CDH22: variants seen among roughly 807,000 people sequenced by gnomAD.
CDH22 encodes cadherin 22, also known as cadherin-22.
A neutral mutation model predicts 58.4 loss-of-function variants in CDH22; 30 were observed. That is an observed-to-expected ratio of 0.51 (90% CI 0.38 to 0.70). The LOEUF (loss-of-function observed/expected upper bound fraction) is 0.70. CDH22 is among the 30% of genes least tolerant of loss of function. CDH22 has a pLI of 0.00. For synonymous variants in CDH22, 513 were observed against 558.2 expected, an observed-to-expected ratio of 0.92 and a Z score of 1.14; for missense variants, 1,014 against 1,233.9, an observed-to-expected ratio of 0.82 and a Z score of 2.67.
chr20:46,185,277 T>C (rs1179401521), intron 10 of CDH22, among the ~76,000 whole-genome samples: 2 of 152,056 alleles, frequency 1.3e-5, no homozygotes, highest in African/African-American at 4.8e-5. Context: ...CCCCCTTCCC[T>C]CAGTCTATTC....
chr20:46,273,675 T>C (rs1386360755), intron 1 of CDH22, among the ~76,000 whole-genome samples: 1 of 151,974 alleles, frequency 6.6e-6, no homozygotes. Flanking sequence ...GAAAGACCCA[T>C]GTAGAATGGG....
intron 1 of CDH22, among the ~76,000 whole-genome samples, chr20:46,304,621 A>C (rs2086666420): frequency 6.6e-6 from 1 of 152,268 alleles, no homozygotes; most frequent in East Asian, 1.9e-4. Flanking sequence ...CCAATGTGAC[A>C]GCAGGAAGGA....
At chr20:46,181,779 CTTTCTTTCTTTCTTTT>C (rs2085790304) in intron 10 of CDH22, among the ~76,000 whole-genome samples, 2 of 127,904 alleles carry the variant, frequency 1.6e-5, no homozygotes, top group South Asian at 2.5e-4. Context: ...TTCTTTCTTT[CTTTCTTTCTTTCTTTT>C]CTCTCTCTTT....
intron 3 of CDH22, among the ~76,000 whole-genome samples, chr20:46,232,929 G>T (rs899925494): frequency 1.3e-5 from 2 of 152,218 alleles, no homozygotes; most frequent in Non-Finnish European, 2.9e-5. Flanking sequence ...AGAGACAAGT[G>T]ACAGAGAAGG....
intron 3 of CDH22, among the ~76,000 whole-genome samples, chr20:46,237,768 C>T (rs1454888686): frequency 6.6e-6 from 1 of 152,150 alleles, no homozygotes; most frequent in Non-Finnish European, 1.5e-5. Context: ...CTCCTACTCT[C>T]TGCATGACCT....
intron 1 of CDH22, among the ~76,000 whole-genome samples, chr20:46,267,119 G>A (rs962389394): frequency 1.3e-5 from 2 of 152,128 alleles, no homozygotes; most frequent in South Asian, 2.1e-4. Flanking sequence ...ACCGAGAGGT[G>A]AAGTCACTTG....
At chr20:46,213,879 A>G (rs1274174417) in intron 5 of CDH22, among the ~76,000 whole-genome samples, 1 of 152,184 alleles carries the variant, frequency 6.6e-6, no homozygotes, top group Non-Finnish European at 1.5e-5. Flanking sequence ...TCCTCTTAAT[A>G]GAAAGGGAAA....
chr20:46,195,166 T>G (rs2085890032), intron 8 of CDH22, among the ~76,000 whole-genome samples: 1 of 152,208 alleles, frequency 6.6e-6, no homozygotes, highest in Non-Finnish European at 1.5e-5. Flanking sequence ...CTGGGAACCA[T>G]GCGACTAGAA....
At chr20:46,190,858 G>A (rs2085858017) in intron 8 of CDH22, among the ~76,000 whole-genome samples, 1 of 152,160 alleles carries the variant, frequency 6.6e-6, no homozygotes, top group South Asian at 2.1e-4. Flanking sequence ...GGCAGCTCAG[G>A]GTGCCTAGGG....
chr20:46,280,720 A>G (rs980501670), intron 1 of CDH22, among the ~76,000 whole-genome samples: 10 of 152,180 alleles, frequency 6.6e-5, no homozygotes, highest in Non-Finnish European at 1.2e-4. Context: ...ACATACAGTG[A>G]CCTTGAGCAA....
At chr20:46,239,419 G>A (rs1362869365) in intron 3 of CDH22, among the ~76,000 whole-genome samples, 1 of 152,178 alleles carries the variant, frequency 6.6e-6, no homozygotes, top group Non-Finnish European at 1.5e-5. Flanking sequence ...CACATCCACA[G>A]CCCCACTGTT....
intron 7 of CDH22, among the ~76,000 whole-genome samples, chr20:46,203,910 G>A (rs1433142951): frequency 1.2e-4 from 18 of 152,188 alleles, no homozygotes; most frequent in Non-Finnish European, 4.4e-5. Flanking sequence ...AACAGGTGAG[G>A]CTGGGGGAAT....
intron 1 of CDH22, among the ~76,000 whole-genome samples, chr20:46,271,031 C>T (rs1172948342): frequency 6.6e-6 from 1 of 152,140 alleles, no homozygotes; most frequent in Admixed American, 6.5e-5. Flanking sequence ...GTGCTGTAAC[C>T]AAGTGAGGTT....
rs80110325 is a variant in CDH22, at chr20:46,261,407, C to T, written c.-399-9714G>A. On this transcript the variant is annotated intron_variant, in intron 1 of 11. Transcript: ENST00000537909. ...GTCATGTATTTATTTAACAACTGTGCTAATCAGGCCTATAGTGCAGCCTGA... is the reference window on the plus strand; with the variant it reads ...GTCATGTATTTATTTAACAACTGTGTTAATCAGGCCTATAGTGCAGCCTGA... 7.9e-3 allele frequency among the ~76,000 whole-genome samples: 1,203 copies of T among 152,292 alleles called. 12 individuals are homozygous for T. Among genetic ancestry groups the T allele is most frequent in the African/African-American group, 0.027 (1,126 of 41,552 alleles).
intron 1 of CDH22, among the ~76,000 whole-genome samples, chr20:46,285,254 G>A (rs1447895777): frequency 1.3e-5 from 2 of 152,172 alleles, no homozygotes; most frequent in South Asian, 2.1e-4. Flanking sequence ...ATGGGAAAAC[G>A]AGACTTTGTG....
chr20:46,189,276 C>T (rs978174046), intron 8 of CDH22, among the ~76,000 whole-genome samples: 4 of 152,154 alleles, frequency 2.6e-5, no homozygotes, highest in Non-Finnish European at 4.4e-5. Flanking sequence ...AGATGGGAGT[C>T]GTGACTGGGA....
At chr20:46,226,276 TCTTCTTCTTCTTCTTC>T (rs1568665327) in intron 4 of CDH22, among the ~76,000 whole-genome samples, 30 of 2,952 alleles carry the variant, frequency 0.01, no homozygotes, top group Middle Eastern at 0.1. Flanking sequence ...TTCTTCTTCT[TCTTCTTCTTCTTCTTC>T]TTTTTTTTTT....
intron 1 of CDH22, among the ~76,000 whole-genome samples, chr20:46,260,943 C>G (rs1320554251): frequency 6.6e-6 from 1 of 152,206 alleles, no homozygotes; most frequent in Non-Finnish European, 1.5e-5. Context: ...CAAAGTAGAA[C>G]AGATTTTGTG....
rs896190462 is a variant in CDH22 at position 46,273,546 on chromosome 20, A to C, written c.-399-21853T>G. ...TGAATGAAGGAAACCCAGGTGTCCA[A>C]TGTCCCTACTCTTTCTGATGCATCA... On this transcript the variant is annotated intron_variant, in intron 1 of 11. Transcript: ENST00000537909. 2.0e-5 allele frequency among the ~76,000 whole-genome samples: 3 copies of C among 152,338 alleles called. No homozygotes were observed. In the East Asian group the frequency reaches 5.8e-4, roughly 29 times the overall value.
Sources: allele counts gnomAD v4.1 joint callset (sites outside exome capture counted in the v4.1 genomes callset), GRCh38; gene constraint gnomAD v4.1.1; transcripts MANE v1.5; gene names NCBI Gene and HGNC (gene_info 2026-07-23, HGNC 2026-07-21).